TENM3: variants seen among roughly 807,000 people sequenced by gnomAD.
TENM3 encodes the protein teneurin-3.
Under a neutral mutation model 255.1 loss-of-function variants are expected in TENM3, and 63 were observed. The ratio of observed to expected loss-of-function variants is 0.25; its 90% CI spans 0.20 to 0.30. The LOEUF (loss-of-function observed/expected upper bound fraction) is 0.30, where lower values mean the gene tolerates loss of function less well. Ranked by LOEUF, TENM3 falls within the 10% of genes least tolerant of loss-of-function variation. TENM3 has a pLI of 1.00. For synonymous variants in TENM3, 1,306 were observed against 1,322.3 expected (o/e 0.99, Z 0.27); for missense variants, 2,929 against 3,461.1 (o/e 0.85, Z 3.86).
the TENM3 span, among the ~76,000 whole-genome samples, chr4:181,973,748 C>T: frequency 6.6e-6 from 1 of 151,970 alleles, no homozygotes. Context: ...GTGACAGAGC[C>T]AGGCCCTAGA....
At chr4:181,657,620 C>A in the TENM3 span, among the ~76,000 whole-genome samples, 1 of 152,130 alleles carries the variant, frequency 6.6e-6, no homozygotes, top group Non-Finnish European at 1.5e-5. Context: ...TACCACTTGA[C>A]CCAGCAATCC....
At chr4:181,615,019 G>A in the TENM3 span, among the ~76,000 whole-genome samples, 24 of 152,202 alleles carry the variant, frequency 1.6e-4, no homozygotes, top group Admixed American at 1.6e-3. Context: ...GAAGGCAGGG[G>A]AGAGAGACAG....
chr4:182,230,430 C>G (rs978617544), intron 1 of TENM3, among the ~76,000 whole-genome samples: 5 of 152,108 alleles, frequency 3.3e-5, no homozygotes, highest in African/African-American at 1.2e-4. Flanking sequence ...CTCCACAGCA[C>G]TTCCTTCTGA....
the TENM3 span, among the ~76,000 whole-genome samples, chr4:181,641,570 A>G: frequency 2.0e-4 from 13 of 63,574 alleles, no homozygotes; most frequent in African/African-American, 5.5e-4. Flanking sequence ...ATATATATAT[A>G]TATATATATA....
intron 7 of TENM3, among the ~76,000 whole-genome samples, chr4:182,679,073 A>G (rs973522719): frequency 9.9e-5 from 15 of 152,272 alleles, no homozygotes; most frequent in South Asian, 2.1e-4. Flanking sequence ...GTCAGGGGCT[A>G]GGGGAGGGAT....
the TENM3 span, among the ~76,000 whole-genome samples, chr4:181,469,094 G>T: frequency 6.6e-6 from 1 of 152,046 alleles, no homozygotes. Context: ...TGATCGAGTG[G>T]CTTTATTGCA....
At chr4:182,281,570 G>T (rs903569636) in intron 1 of TENM3, among the ~76,000 whole-genome samples, 5 of 151,950 alleles carry the variant, frequency 3.3e-5, no homozygotes, top group African/African-American at 1.2e-4. Context: ...GCCCGGGCTG[G>T]TCTTGTACTC....
In TENM3 at chr4:182,743,334, A is replaced by G; in HGVS notation, c.3544A>G (p.Ile1182Val). ...GGCCCCAGTGGCGCTAGCTTGTGGG[A>G]TCGATGGCAGTCTGTACGTAGGCGA... ...LLAPVALACG[I>V]DGSLYVGDFN... The change falls in exon 19 of 28, where the codon ATC becomes GTC. Residue 1182 changes from isoleucine (I) to valine (V), a missense_variant. Transcript: ENST00000511685. 2 of 1,614,010 alleles carry G rather than the reference A, an allele frequency of 1.2e-6. No individual in the cohort carries two copies. The highest frequency in any genetic ancestry group is 2.2e-5 in the South Asian group (2 of 91,088).
chr4:182,688,304 G>C lies in TENM3; in HGVS notation c.2174G>C (p.Gly725Ala). Residue 725 changes from glycine (G) to alanine (A), a missense_variant, in exon 12 of 28, where the codon GGC (glycine) becomes GCC (alanine). By Grantham distance (60) the Gly-to-Ala change is moderately conservative. Around this residue, in one of 6 missense-constraint regions of TENM3, gnomAD observed 1,608 missense variants for 1,884.4 expected, o/e 0.85. Transcript: ENST00000511685. ...RCAEHGTCKDGKCECSQGWNG... is the reference protein window; with the variant it reads ...RCAEHGTCKDAKCECSQGWNG... ...GCCGAGCACGGGACCTGCAAGGATG[G>C]CAAGTGTGAATGCAGCCAGGGCTGG... The C allele has an allele frequency of 6.2e-7, 1 of 1,613,930 alleles. No individual in the cohort carries two copies. Among genetic ancestry groups the C allele is most frequent in the Non-Finnish European group, 8.5e-7 (1 of 1,179,834 alleles).
intron 5 of TENM3, among the ~76,000 whole-genome samples, chr4:182,650,887 A>T (rs1010392855): frequency 4.4e-5 from 1 of 22,856 alleles, no homozygotes; most frequent in African/African-American, 2.0e-4. Flanking sequence ...GTAATAAAAA[A>T]AAATATATAT....
At chr4:181,958,659 A>T in the TENM3 span, among the ~76,000 whole-genome samples, 1 of 152,174 alleles carries the variant, frequency 6.6e-6, no homozygotes, top group Non-Finnish European at 1.5e-5. Context: ...ACCTCAAGCC[A>T]GTAATATACA....
chr4:182,515,275 G>T (rs1443351077), intron 3 of TENM3, among the ~76,000 whole-genome samples: 2 of 152,210 alleles, frequency 1.3e-5, no homozygotes, highest in Admixed American at 1.3e-4. Context: ...GTGAGGCGCA[G>T]AAAAAATCCA....
intron 3 of TENM3, among the ~76,000 whole-genome samples, chr4:182,429,211 A>G (rs931190814): frequency 1.1e-4 from 16 of 152,222 alleles, no homozygotes; most frequent in Non-Finnish European, 2.1e-4. Context: ...AAATAATGAC[A>G]TTATTGAATT....
the TENM3 span, among the ~76,000 whole-genome samples, chr4:181,842,661 A>G: frequency 6.6e-6 from 1 of 152,194 alleles, no homozygotes; most frequent in Non-Finnish European, 1.5e-5. Flanking sequence ...CATAATCACA[A>G]TTGTTTATGG....
chr4:182,199,257 A>C (rs1414182897), intron 1 of TENM3, among the ~76,000 whole-genome samples: 1 of 152,114 alleles, frequency 6.6e-6, no homozygotes, highest in Non-Finnish European at 1.5e-5. Flanking sequence ...TGAGGTCAGG[A>C]GCTCAAGACC....
chr4:182,593,691 G>A (rs958202608), intron 3 of TENM3, among the ~76,000 whole-genome samples: 3 of 152,284 alleles, frequency 2.0e-5, no homozygotes, highest in Admixed American at 2.0e-4. Context: ...CACACCTGCT[G>A]AAAGCGAATG....
the TENM3 span, among the ~76,000 whole-genome samples, chr4:181,599,318 A>T: frequency 6.6e-6 from 1 of 152,330 alleles, no homozygotes; most frequent in East Asian, 1.9e-4. Flanking sequence ...TCAGTGAATC[A>T]CACTGTAATT....
At chr4:182,600,023 G>A (rs1412923101) in intron 3 of TENM3, among the ~76,000 whole-genome samples, 1 of 152,300 alleles carries the variant, frequency 6.6e-6, no homozygotes. Context: ...TGACGTATTA[G>A]CTTTACGGAA....
chr4:182,448,091 G>T (rs116353710), intron 3 of TENM3, among the ~76,000 whole-genome samples: 3,340 of 152,322 alleles, frequency 0.022, 122 homozygotes, highest in African/African-American at 0.076. Context: ...AGTGGCTCGG[G>T]CCACTTGCAC....
Sources: allele counts gnomAD v4.1 joint callset (sites outside exome capture counted in the v4.1 genomes callset), GRCh38; gene constraint gnomAD v4.1.1; regional missense constraint gnomAD v4.1.1; transcripts MANE v1.5; gene names NCBI Gene and HGNC (gene_info 2026-07-23, HGNC 2026-07-21).